Variants in DPYSL4 observed in about 807,000 individuals in gnomAD.
DPYSL4 encodes dihydropyrimidinase like 4.
In DPYSL4, 43 loss-of-function variants were observed where a neutral mutation model predicts 63.4. The ratio of observed to expected loss-of-function variants is 0.68; its 90% CI spans 0.53 to 0.88. The LOEUF is 0.88. Ranked by LOEUF, DPYSL4 falls within the 40% of genes least tolerant of loss-of-function variation. The probability of loss-of-function intolerance (pLI) is 0.00; values close to 1 mark genes in which losing one functional copy is unlikely to be tolerated. For missense variants in DPYSL4, 733 were observed against 819.5 expected (o/e 0.89, Z 1.29); for synonymous variants, 353 against 331.7 (o/e 1.06, Z -0.70).
intron 2 of DPYSL4, chr10:132,192,212 G>A: frequency 1.5e-6 from 1 of 662,458 alleles, no homozygotes; most frequent in Non-Finnish European, 1.9e-6. Flanking sequence ...CCTTTGGTGA[G>A]GGCAGAGGTA....
intron 9 of DPYSL4, 137 bp from the exon 10 acceptor site, chr10:132,200,705 A>C: frequency 7.3e-7 from 1 of 1,374,074 alleles, no homozygotes; most frequent in Non-Finnish European, 9.7e-7. Flanking sequence ...CCCTGCACAG[A>C]GGCACCAGCT....
chr10:132,197,759 G>C (rs1275859587), intron 6 of DPYSL4, among the ~76,000 whole-genome samples: 2 of 152,174 alleles, frequency 1.3e-5, no homozygotes, highest in African/African-American at 4.8e-5. Context: ...AGCTCTACAG[G>C]AAGGTGGTGG....
At position 132,200,520 on chromosome 10, in the gene DPYSL4, G is replaced by A; in HGVS notation, c.968+8G>A. Reference sequence around the variant, plus strand: ...CACCTGCTTGCTGTCCAGGTAAGCAGCCTCTCCAGGTGGCCCCAGGTTGGC... The same window carrying A: ...CACCTGCTTGCTGTCCAGGTAAGCAACCTCTCCAGGTGGCCCCAGGTTGGC... On this transcript the variant is annotated splice_region_variant and intron_variant, in intron 9 of 13. Transcript: ENST00000338492. The A allele has an allele frequency of 6.2e-7, 1 of 1,612,400 alleles. No individual in the cohort carries two copies.
rs2061797785 is a variant in DPYSL4 at position 132,186,964 on chromosome 10, C to G, written c.-100C>G. 1 of 551,966 alleles carries G rather than the reference C, an allele frequency of 1.8e-6. No individual in the cohort carries two copies. Among genetic ancestry groups the G allele is most frequent in the Non-Finnish European group, 2.9e-6 (1 of 343,614 alleles). 34.2% of individuals were successfully genotyped at this position (551,966 alleles called of 1,614,324 possible). A position where few individuals can be genotyped will look rare whatever the true frequency, so the allele number is the denominator to read the frequency against. Reference sequence around the variant, plus strand: ...CGCGCGCTCGCAGTCTGTCTCCCGCCGTCCCCACGCACGCGTCCCGGCTCA... The same window carrying G: ...CGCGCGCTCGCAGTCTGTCTCCCGCGGTCCCCACGCACGCGTCCCGGCTCA... On this transcript the variant is annotated 5_prime_UTR_variant, in exon 1 of 14. Transcript: ENST00000338492.
chr10:132,201,816 G>A (rs372360574), intron 10 of DPYSL4, 130 bp from the exon 11 acceptor site: 55 of 1,008,578 alleles, frequency 5.5e-5, no homozygotes, highest in Non-Finnish European at 6.0e-5. Context: ...GTGGTCCAGC[G>A]TCTGTCCTCA....
rs1216915280 is a variant in DPYSL4 at position 132,203,712 on chromosome 10, G to C, written c.1462-50G>C. On this transcript the variant is annotated intron_variant, in intron 12 of 13. Coordinates refer to ENST00000338492, the MANE Select transcript of DPYSL4 (RefSeq NM_006426.3). ...ATGCCCCATCTCTGGCCCCACAGCT[G>C]CCCAGGCTCAGCCCCTCATGCCCTG... The C allele has an allele frequency of 2.7e-6, 4 of 1,463,920 alleles. No individual in the cohort carries two copies. The African/African-American group carries it at 5.7e-5, about 21-fold the overall frequency. 90.7% of individuals were successfully genotyped at this position (1,463,920 alleles called of 1,614,324 possible). A position where few individuals can be genotyped will look rare whatever the true frequency, so the allele number is the denominator to read the frequency against.
chr10:132,192,256 G>C (rs1200518676), intron 2 of DPYSL4: 17 of 958,574 alleles, frequency 1.8e-5, no homozygotes, highest in Non-Finnish European at 2.1e-5. Flanking sequence ...CAGGACACCA[G>C]CTTCCACGTT....
At chr10:132,194,238 G>A (rs543013504) in intron 3 of DPYSL4, among the ~76,000 whole-genome samples, 9 of 152,358 alleles carry the variant, frequency 5.9e-5, no homozygotes, top group South Asian at 4.1e-4. Context: ...TGGCGGGTGC[G>A]CCCTCCTGTC....
chr10:132,193,525 G>C (rs1269556655), intron 3 of DPYSL4, among the ~76,000 whole-genome samples: 5 of 152,236 alleles, frequency 3.3e-5, no homozygotes, highest in African/African-American at 1.2e-4. Context: ...CAGGAGGCAG[G>C]ACGAGGCCTC....
chr10:132,192,617 C>T, intron 2 of DPYSL4, 41 bp from the exon 3 acceptor site: 1 of 1,556,692 alleles, frequency 6.4e-7, no homozygotes, highest in Non-Finnish European at 8.7e-7. Context: ...TGGGCTCTGA[C>T]CTGGGCTCCC....
Position 132,202,782 on chromosome 10 carries a change from C to T in DPYSL4, c.1418C>T (p.Thr473Ile). The T allele has an allele frequency of 6.2e-7, 1 of 1,610,648 alleles. No individual in the cohort carries two copies. Among genetic ancestry groups the T allele is most frequent in the Non-Finnish European group, 8.5e-7 (1 of 1,178,586 alleles). Residue 473 changes from threonine to isoleucine, a missense_variant, in exon 12 of 14, where the codon ACA (threonine) becomes ATA (isoleucine). By Grantham distance (89) the Thr-to-Ile change is moderately conservative (BLOSUM62 -1). Coordinates refer to ENST00000338492, the MANE Select transcript of DPYSL4 (RefSeq NM_006426.3). ...GCGGGCCGCTTCGTCCCTCGGAAAA[C>T]ATTCCCGGACTTTGTCTACAAGAGG... ...PGAGRFVPRK[T>I]FPDFVYKRIK...
intron 4 of DPYSL4, among the ~76,000 whole-genome samples, chr10:132,195,332 T>C (rs2061929100): frequency 6.6e-6 from 1 of 152,220 alleles, no homozygotes; most frequent in South Asian, 2.1e-4. Flanking sequence ...CTGGGGATCC[T>C]TTCAGAGGGA....
chr10:132,200,936 A>G lies in DPYSL4; in HGVS notation c.1063A>G (p.Thr355Ala). ...KDNFALIPEG[T>A]NGIEERMSMV... is the part of the protein sequence containing the mutation. ...CAACTTCGCGCTGATCCCCGAGGGC[A>G]CCAACGGCATTGAGGAGCGCATGTC... The change falls in exon 10 of 14, where the codon ACC becomes GCC. Residue 355 changes from threonine to alanine, a missense_variant. Thr to Ala is a moderately conservative substitution (Grantham distance 58). Transcript: ENST00000338492. The G allele has an allele frequency of 1.2e-6, 2 of 1,613,360 alleles. No individual in the cohort carries two copies. The highest frequency in any genetic ancestry group is 8.5e-7 in the Non-Finnish European group (1 of 1,179,982).
intron 12 of DPYSL4, among the ~76,000 whole-genome samples, chr10:132,203,329 G>A (rs2062046004): frequency 6.6e-6 from 1 of 152,086 alleles, no homozygotes; most frequent in African/African-American, 2.4e-5. Flanking sequence ...CGCCACGCTT[G>A]CCCGGCATCA....
At position 132,192,645 on chromosome 10, in the gene DPYSL4, C is replaced by G. The variant is rs1431159286; in HGVS notation, c.129-13C>G. 6.3e-7 allele frequency: 1 copy of G among 1,591,488 alleles called. No homozygotes were observed. The highest frequency in any genetic ancestry group is 8.6e-7 in the Non-Finnish European group (1 of 1,167,700). ...GGGCTCCCTGTAACCAGTGAAATCT[C>G]TGCTGCTTTCAGACAAATCGGAGAA... On this transcript the variant is annotated splice_polypyrimidine_tract_variant and intron_variant, in intron 2 of 13. Coordinates refer to ENST00000338492, the MANE Select transcript of DPYSL4 (RefSeq NM_006426.3).
intron 4 of DPYSL4, among the ~76,000 whole-genome samples, chr10:132,195,935 C>T (rs986102410): frequency 4.6e-5 from 7 of 152,242 alleles, no homozygotes; most frequent in Admixed American, 2.0e-4. Context: ...AAGAGCCATG[C>T]AGGAGTCCTC....
Position 132,187,000 on chromosome 10 carries a change from C to CCGGGGGGGGGGGG in DPYSL4, c.-64_-63insCGGGGGGGGGGGG. On this transcript the variant is annotated 5_prime_UTR_variant, in exon 1 of 14. Coordinates refer to ENST00000338492, the MANE Select transcript of DPYSL4 (RefSeq NM_006426.3). ...ACGCGTCCCGGCTCACGCGTCCCCCCGCCCGCCCGCCCGCCCGCCCGCCCC... is the reference window on the plus strand; with the variant it reads ...ACGCGTCCCGGCTCACGCGTCCCCCCCGGGGGGGGGGGGGCCCGCCCGCCCGCCCGCCCGCCCC... The CCGGGGGGGGGGGG allele has an allele frequency of 2.7e-4, 3 of 11,124 alleles. No individual in the cohort carries two copies. The highest frequency in any genetic ancestry group is 5.3e-4 in the Non-Finnish European group (3 of 5,644). 0.7% of individuals were successfully genotyped at this position (11,124 alleles called of 1,614,324 possible). A position where few individuals can be genotyped will look rare whatever the true frequency, so the allele number is the denominator to read the frequency against.
chr10:132,194,821 C>CT (rs773244401), intron 3 of DPYSL4, 24 bp from the exon 4 acceptor site: 9 of 1,606,042 alleles, frequency 5.6e-6, no homozygotes, highest in East Asian at 4.5e-5. Context: ...GTGGGGGAAG[C>CT]TGCTGACCAT....
intron 1 of DPYSL4, among the ~76,000 whole-genome samples, chr10:132,189,359 C>T (rs1309886492): frequency 6.6e-6 from 1 of 152,224 alleles, no homozygotes; most frequent in Non-Finnish European, 1.5e-5. Context: ...CAGATCTTCA[C>T]CTCTGACGGT....
Sources: allele counts gnomAD v4.1 joint callset (sites outside exome capture counted in the v4.1 genomes callset), GRCh38; gene constraint gnomAD v4.1.1; transcripts MANE v1.5; gene names NCBI Gene and HGNC (gene_info 2026-07-23, HGNC 2026-07-21).